ATP2B2: variants seen among roughly 807,000 people sequenced by gnomAD.
The protein encoded by ATP2B2 is plasma membrane calcium-transporting ATPase 2.
ATP2B2 carries 15 observed loss-of-function variants against 120.0 expected under a neutral mutation model. The observed-to-expected ratio is 0.12, with a 90% confidence interval of 0.08 to 0.19. The LOEUF (loss-of-function observed/expected upper bound fraction) is 0.19. ATP2B2 is among the 10% of genes least tolerant of loss of function. ATP2B2 has a pLI of 1.00. For synonymous variants in ATP2B2, 694 were observed against 700.3 expected (o/e 0.99, Z 0.14); for missense variants, 1,045 against 1,719.8 (o/e 0.61, Z 6.94).
At chr3:10,623,053 T>TA (rs2069594546) in intron 1 of ATP2B2, among the ~76,000 whole-genome samples, 3 of 109,276 alleles carry the variant, frequency 2.7e-5, no homozygotes, top group Non-Finnish European at 5.7e-5. Context: ...CTTGGTCAGC[T>TA]CTTTTTTTTT....
intron 1 of ATP2B2, among the ~76,000 whole-genome samples, chr3:10,628,125 T>G (rs947634344): frequency 7.2e-5 from 11 of 152,142 alleles, no homozygotes; most frequent in South Asian, 6.2e-4. Flanking sequence ...GGGACCTGCA[T>G]GGCCTCACAG....
intron 1 of ATP2B2, among the ~76,000 whole-genome samples, chr3:10,661,422 C>T (rs7431789): frequency 0.22 from 33,444 of 151,858 alleles, 6,167 homozygotes; most frequent in African/African-American, 0.5. Context: ...AAAATCAATG[C>T]GCAAAAATCA....
intron 2 of ATP2B2, among the ~76,000 whole-genome samples, chr3:10,421,052 C>T (rs2062961297): frequency 6.6e-6 from 1 of 152,168 alleles, no homozygotes; most frequent in African/African-American, 2.4e-5. Flanking sequence ...TCTCAGGGCC[C>T]ACCCAGACCT....
upstream of ATP2B2, among the ~76,000 whole-genome samples, chr3:10,510,027 G>T (rs2066728482): frequency 6.6e-6 from 1 of 152,234 alleles, no homozygotes; most frequent in Non-Finnish European, 1.5e-5. Flanking sequence ...GCAGGCCCCA[G>T]GGAAAATGCT....
intron 1 of ATP2B2, among the ~76,000 whole-genome samples, chr3:10,647,372 C>T (rs2070348362): frequency 6.6e-6 from 1 of 152,128 alleles, no homozygotes; most frequent in Non-Finnish European, 1.5e-5. Context: ...ATCAAACAGG[C>T]CCTAGCTCTC....
intron 3 of ATP2B2, among the ~76,000 whole-genome samples, chr3:10,524,091 A>G (rs1004895770): frequency 5.3e-5 from 8 of 152,222 alleles, no homozygotes; most frequent in Non-Finnish European, 1.2e-4. Flanking sequence ...ATGAGGCCAC[A>G]GAGATGAACA....
intron 2 of ATP2B2, among the ~76,000 whole-genome samples, chr3:10,583,875 T>A (rs2068447345): frequency 6.6e-6 from 1 of 152,062 alleles, no homozygotes; most frequent in African/African-American, 2.4e-5. Context: ...GGGACACTGA[T>A]CTCCCGCCAT....
Position 10,346,116 on chromosome 3 carries a change from G to C in ATP2B2, c.2426C>G (p.Thr809Ser), listed in dbSNP as rs2060424412. The C allele has an allele frequency of 1.2e-6, 2 of 1,611,690 alleles. No individual in the cohort carries two copies. Among genetic ancestry groups the C allele is most frequent in the Non-Finnish European group, 8.5e-7 (1 of 1,179,970 alleles). Residue 809 changes from threonine (T) to serine (S), a missense_variant, in exon 17 of 23, where the codon ACT becomes AGT. By Grantham distance (58) the Thr-to-Ser change is moderately conservative. Around this residue, in one of 11 missense-constraint regions of ATP2B2, gnomAD observed 98 missense variants for 266.7 expected, o/e 0.37. Coordinates refer to ENST00000360273, the MANE Select transcript of ATP2B2 (RefSeq NM_001001331.4). The surrounding 1 kb of genome is among the most constrained non-coding windows in gnomAD (Gnocchi z 4.1). Reference protein sequence around the residue: ...LVKGIIDSTHTEQRQVVAVTG... With the variant: ...LVKGIIDSTHSEQRQVVAVTG... ...CACGGCCACCACCTGCCGCTGCTCA[G>C]TGTGTGTGCTGTCGATGATGCCTGT... is the stretch of plus-strand genomic sequence containing the variant.
At chr3:10,356,360 C>T (rs1227342573) in intron 14 of ATP2B2, among the ~76,000 whole-genome samples, 1 of 152,272 alleles carries the variant, frequency 6.6e-6, no homozygotes, top group East Asian at 1.9e-4. Flanking sequence ...AACCTCAAGT[C>T]ATGCCCTGTT....
chr3:10,692,476 GTAGCT>G (rs1426633411), intron 1 of ATP2B2, among the ~76,000 whole-genome samples: 7 of 152,310 alleles, frequency 4.6e-5, no homozygotes, highest in Non-Finnish European at 8.8e-5. Flanking sequence ...CACGATCACA[GTAGCT>G]ACTGGATGCG....
At chr3:10,410,074 T>C (rs556665647) in intron 3 of ATP2B2, among the ~76,000 whole-genome samples, 2 of 152,236 alleles carry the variant, frequency 1.3e-5, no homozygotes, top group Non-Finnish European at 2.9e-5. Context: ...CAGCAAAATC[T>C]GAGGACTCTT....
At chr3:10,405,380 T>A (rs1468312218) in intron 3 of ATP2B2, among the ~76,000 whole-genome samples, 1 of 152,180 alleles carries the variant, frequency 6.6e-6, no homozygotes, top group Admixed American at 6.5e-5. Flanking sequence ...GATTAGCTAT[T>A]GTCTCCAGAG....
intron 2 of ATP2B2, among the ~76,000 whole-genome samples, chr3:10,436,096 C>T (rs759023636): frequency 2.0e-5 from 3 of 152,256 alleles, no homozygotes; most frequent in South Asian, 2.1e-4. Context: ...TCTCCTGGGA[C>T]GTAGAATCAG....
chr3:10,413,641 G>A (rs971923274), intron 2 of ATP2B2, among the ~76,000 whole-genome samples: 25 of 152,192 alleles, frequency 1.6e-4, no homozygotes, highest in Non-Finnish European at 3.5e-4. Flanking sequence ...GAGCGTGCAG[G>A]CACGGCACAC....
At chr3:10,570,574 T>C (rs989319418) in intron 2 of ATP2B2, among the ~76,000 whole-genome samples, 1 of 152,352 alleles carries the variant, frequency 6.6e-6, no homozygotes, top group East Asian at 1.9e-4. Context: ...TCAGTTGATT[T>C]TTCCCTCGTA....
intron 12 of ATP2B2, among the ~76,000 whole-genome samples, chr3:10,365,133 G>A (rs914092465): frequency 1.3e-5 from 2 of 152,246 alleles, no homozygotes; most frequent in African/African-American, 4.8e-5. Context: ...GCTAGGAGCC[G>A]AAGCAGGGGG....
intron 1 of ATP2B2, among the ~76,000 whole-genome samples, chr3:10,668,239 T>C (rs769549215): frequency 6.6e-6 from 1 of 152,256 alleles, no homozygotes; most frequent in Non-Finnish European, 1.5e-5. Flanking sequence ...ACTTGAACTA[T>C]AGGTCTCATT....
At chr3:10,656,731 G>A (rs1369116) in intron 1 of ATP2B2, among the ~76,000 whole-genome samples, 33,370 of 152,238 alleles carry the variant, frequency 0.22, 6,104 homozygotes, top group African/African-American at 0.49. Flanking sequence ...GACTAGAGAT[G>A]TTACAAGTGT....
intron 1 of ATP2B2, among the ~76,000 whole-genome samples, chr3:10,482,648 C>T (rs915082518): frequency 1.3e-5 from 2 of 152,216 alleles, no homozygotes; most frequent in African/African-American, 4.8e-5. Context: ...CTGGCTCAGG[C>T]CCCACCAGTG....
Sources: allele counts gnomAD v4.1 joint callset (sites outside exome capture counted in the v4.1 genomes callset), GRCh38; gene constraint gnomAD v4.1.1; regional missense constraint gnomAD v4.1.1; non-coding constraint Gnocchi (gnomAD v3.1); transcripts MANE v1.5; gene names NCBI Gene and HGNC (gene_info 2026-07-23, HGNC 2026-07-21).